Variants in SYNCRIP observed in about 807,000 individuals in gnomAD.
SYNCRIP encodes the protein heterogeneous nuclear ribonucleoprotein Q.
SYNCRIP carries 9 observed loss-of-function variants against 68.9 expected under a neutral mutation model. The ratio of observed to expected loss-of-function variants is 0.13; its 90% CI spans 0.08 to 0.23. The LOEUF (loss-of-function observed/expected upper bound fraction) is 0.23. SYNCRIP is among the 10% of genes least tolerant of loss of function. SYNCRIP has a pLI of 1.00. For synonymous variants in SYNCRIP, 258 were observed against 254.0 expected (o/e 1.02, Z -0.15); for missense variants, 414 against 770.6 (o/e 0.54, Z 5.48).
At chr6:85,627,528 AAAC>A (rs1182001115) in intron 6 of SYNCRIP, among the ~76,000 whole-genome samples, 3 of 152,098 alleles carry the variant, frequency 2.0e-5, no homozygotes, top group Non-Finnish European at 4.4e-5. Flanking sequence ...AAAAAAACAA[AAAC>A]AAAAAAACAC....
chr6:85,620,519 T>G (rs189297983), intron 8 of SYNCRIP, among the ~76,000 whole-genome samples: 2 of 152,222 alleles, frequency 1.3e-5, no homozygotes, highest in Non-Finnish European at 2.9e-5. Context: ...GAGGGATGAC[T>G]AAGCACAGGA....
Position 85,640,208 on chromosome 6 carries a change from T to C in SYNCRIP, c.375+13A>G, listed in dbSNP as rs1808969589. On this transcript the variant is annotated intron_variant, in intron 4 of 10. Coordinates refer to ENST00000369622, the MANE Select transcript of SYNCRIP (RefSeq NM_006372.5). ...AATGACTTTAAAACTAAAGGGAGTA[T>C]AGAAAGACATACCTTAATTTTTGCC... The C allele has an allele frequency of 2.5e-6, 4 of 1,580,638 alleles. No individual in the cohort carries two copies. The highest frequency in any genetic ancestry group is 1.1e-5 in the South Asian group (1 of 89,534).
intron 10 of SYNCRIP, among the ~76,000 whole-genome samples, chr6:85,616,237 G>A (rs1805750457): frequency 6.6e-6 from 1 of 152,100 alleles, no homozygotes; most frequent in Admixed American, 6.5e-5. Context: ...TGATTATTTT[G>A]AGCCCAATAA....
At chr6:85,621,040 A>G (rs1806322870) in intron 8 of SYNCRIP, among the ~76,000 whole-genome samples, 1 of 152,212 alleles carries the variant, frequency 6.6e-6, no homozygotes, top group African/African-American at 2.4e-5. Flanking sequence ...CAATCCTGAA[A>G]GCTTCTCAAA....
intron 8 of SYNCRIP, 40 bp downstream of exon 8, chr6:85,622,442 T>G: frequency 6.2e-6 from 8 of 1,292,364 alleles, no homozygotes; most frequent in East Asian, 2.7e-5. Flanking sequence ...CCTTCTCCCA[T>G]TAATCCCTCA....
At chr6:85,627,115 G>A (rs1184629236) in intron 6 of SYNCRIP, among the ~76,000 whole-genome samples, 1 of 151,610 alleles carries the variant, frequency 6.6e-6, no homozygotes, top group African/African-American at 2.4e-5. Context: ...AAACACAAAA[G>A]AAATTAGCCG....
chr6:85,614,311 A>G lies in SYNCRIP; in HGVS notation c.*445T>C. On this transcript the variant is annotated 3_prime_UTR_variant, in exon 11 of 11. Coordinates refer to ENST00000369622, the MANE Select transcript of SYNCRIP (RefSeq NM_006372.5). ...AAACCCAAATTAGGTCAAAGTTCTA[A>G]ATTAAAAATAGCAGTTGTGTATCAA... 2.0e-6 allele frequency: 2 copies of G among 986,658 alleles called. No homozygotes were observed. Among genetic ancestry groups the G allele is most frequent in the South Asian group, 4.7e-5 (1 of 21,298 alleles). The allele number at this position is 986,658 out of a possible 1,614,324, so 61.1% of individuals were successfully genotyped here.
At chr6:85,637,794 T>G (rs972524458) in intron 4 of SYNCRIP, among the ~76,000 whole-genome samples, 2 of 152,186 alleles carry the variant, frequency 1.3e-5, no homozygotes, top group Admixed American at 1.3e-4. Context: ...CTGGGCATTG[T>G]GCCAACCTCA....
chr6:85,638,473 C>T (rs1051012540), intron 4 of SYNCRIP, among the ~76,000 whole-genome samples: 6 of 149,814 alleles, frequency 4.0e-5, no homozygotes, highest in African/African-American at 1.2e-4. Context: ...ACTGTCTCAA[C>T]CACAAAGCAC....
chr6:85,633,037 G>A (rs1583298318), intron 6 of SYNCRIP, among the ~76,000 whole-genome samples: 1 of 150,630 alleles, frequency 6.6e-6, no homozygotes, highest in Non-Finnish European at 1.5e-5. Flanking sequence ...TGAATCACAA[G>A]GTCAAGAGAT....
chr6:85,608,666 C>A (rs894255950), exon 12 of SYNCRIP: 5 of 151,978 alleles, frequency 3.3e-5, no homozygotes, highest in Admixed American at 3.3e-4. Flanking sequence ...AAATACTAGT[C>A]AGGTACAAGC....
rs780879220 is a variant in SYNCRIP, at chr6:85,621,935, T to C, written c.1008+547A>G. On this transcript the variant is annotated intron_variant, in intron 8 of 10. Transcript: ENST00000369622. Reference sequence around the variant, plus strand: ...GCATGTAGGCGACTTCATTACAAGATTGTGATGGCTATACAATTATGGCTA... The same window carrying C: ...GCATGTAGGCGACTTCATTACAAGACTGTGATGGCTATACAATTATGGCTA... 4.6e-4 allele frequency among the ~76,000 whole-genome samples: 70 copies of C among 152,322 alleles called. 1 individual carries two copies. The highest frequency in any genetic ancestry group is 3.4e-3 in the Middle Eastern group (1 of 294).
At chr6:85,643,327 A>T (rs996283732), upstream of SYNCRIP, 1 of 151,540 alleles carries the variant, frequency 6.6e-6, no homozygotes. Context: ...TCCCGCGCTG[A>T]CGTGACAACG....
At chr6:85,625,728 T>G (rs551004441) in intron 6 of SYNCRIP, among the ~76,000 whole-genome samples, 2 of 152,250 alleles carry the variant, frequency 1.3e-5, no homozygotes, top group Admixed American at 1.3e-4. Flanking sequence ...GAAATTGCCT[T>G]CCTTCCCTGA....
In SYNCRIP at chr6:85,632,903, C is replaced by T. The variant is rs935250635; in HGVS notation, c.666+4064G>A. The stretch of plus-strand genomic sequence containing the variant: ...TGAGCATTGATCATGACACTGCACT[C>T]CAGCAAGGGCAACAGAGTGACAACC... On this transcript the variant is annotated intron_variant, in intron 6 of 10. Transcript: ENST00000369622. Among the ~76,000 whole-genome samples, 24 of 151,960 alleles carry T rather than the reference C, an allele frequency of 1.6e-4. No homozygotes were observed. The South Asian group carries it at 1.7e-3, about 11-fold the overall frequency.
chr6:85,607,884 ATGT>A (rs1804960017), downstream of SYNCRIP: 1 of 152,086 alleles, frequency 6.6e-6, no homozygotes, highest in African/African-American at 2.4e-5. Context: ...ATCAATATAA[ATGT>A]TGTTAATCCA....
In SYNCRIP at chr6:85,629,867, C is replaced by T. The variant is rs575647170; in HGVS notation, c.667-5755G>A. On this transcript the variant is annotated intron_variant, in intron 6 of 10. Coordinates refer to ENST00000369622, the MANE Select transcript of SYNCRIP (RefSeq NM_006372.5). ...GGCATGGTGGCGGGCTCCTGTAGTC[C>T]CAGCTACTCGGGAGGCCGAGGCAGC... is the stretch of plus-strand genomic sequence containing the variant. Among the ~76,000 whole-genome samples, 22 of 152,016 alleles carry T rather than the reference C, an allele frequency of 1.4e-4. No homozygotes were observed. The South Asian group carries it at 3.7e-3, about 26-fold the overall frequency.
Position 85,640,106 on chromosome 6 carries a change from T to C in SYNCRIP, c.375+115A>G, listed in dbSNP as rs1047976133. On this transcript the variant is annotated intron_variant, in intron 4 of 10. Transcript: ENST00000369622. ...ACTTAAAAAAAGGAATTAGGAAAGA[T>C]TGATGAATTATCTCAACATCTAACA... 5 of 728,692 alleles carry C rather than the reference T, an allele frequency of 6.9e-6. No homozygotes were observed. In the African/African-American group the frequency reaches 7.1e-5, roughly 10 times the overall value. The allele number at this position is 728,692 out of a possible 1,614,324, so 45.1% of individuals were successfully genotyped here.
chr6:85,620,878 A>G (rs1357028903), intron 8 of SYNCRIP, among the ~76,000 whole-genome samples: 1 of 152,220 alleles, frequency 6.6e-6, no homozygotes, highest in Non-Finnish European at 1.5e-5. Context: ...AATAAAAAAG[A>G]TAATTTTTCC....
Sources: allele counts gnomAD v4.1 joint callset (sites outside exome capture counted in the v4.1 genomes callset), GRCh38; gene constraint gnomAD v4.1.1; transcripts MANE v1.5; gene names NCBI Gene and HGNC (gene_info 2026-07-23, HGNC 2026-07-21).